PCDH17: variants seen among roughly 807,000 people sequenced by gnomAD.
The protein encoded by PCDH17 is protocadherin 17.
PCDH17 carries 21 observed loss-of-function variants against 67.7 expected under a neutral mutation model. The observed-to-expected ratio is 0.31, with a 90% confidence interval of 0.22 to 0.45. The LOEUF is 0.45. Among genes scored for constraint, PCDH17 ranks in the 20% least tolerant of loss-of-function variants. The pLI, the probability that PCDH17 is intolerant of heterozygous loss-of-function variation, is 1.00. For missense variants in PCDH17, 1,471 were observed against 1,564.8 expected, an observed-to-expected ratio of 0.94 and a Z score of 1.01; for synonymous variants, 701 against 656.7, an observed-to-expected ratio of 1.07 and a Z score of -1.03.
chr13:57,670,257 A>G (rs1224610533), intron 3 of PCDH17, among the ~76,000 whole-genome samples: 1 of 150,924 alleles, frequency 6.6e-6, no homozygotes, highest in Non-Finnish European at 1.5e-5. Flanking sequence ...ATCATGAGAG[A>G]AAATTCCACA....
In PCDH17 at chr13:57,729,236, C is replaced by T. The variant is rs139381456; in HGVS notation, c.*3942C>T. 9.9e-5 allele frequency: 15 copies of T among 152,174 alleles called. No homozygotes were observed. Among genetic ancestry groups the T allele is most frequent in the African/African-American group, 3.6e-4 (15 of 41,546 alleles). 9.4% of individuals were successfully genotyped at this position (152,174 alleles called of 1,614,324 possible). On this transcript the variant is annotated 3_prime_UTR_variant, in exon 4 of 4. Transcript: ENST00000377918. The stretch of plus-strand genomic sequence containing the variant: ...CATACATTGTATGGATTTATCTCAA[C>T]GCTATTGTTTAATGGCTGTGTTTAA...
At chr13:57,704,564 CA>C (rs112583999) in intron 3 of PCDH17, among the ~76,000 whole-genome samples, 63 of 122,246 alleles carry the variant, frequency 5.2e-4, no homozygotes, top group African/African-American at 6.3e-4. Context: ...AATCTCTATC[CA>C]AAAAAAAAAA....
intron 1 of PCDH17, among the ~76,000 whole-genome samples, chr13:57,636,893 T>C (rs1297026034): frequency 6.6e-6 from 1 of 152,148 alleles, no homozygotes; most frequent in East Asian, 1.9e-4. Flanking sequence ...TCATTTAGTT[T>C]CCAGTAAAAA....
chr13:57,647,103 G>A (rs924458202), intron 1 of PCDH17, among the ~76,000 whole-genome samples: 9 of 151,664 alleles, frequency 5.9e-5, no homozygotes, highest in Non-Finnish European at 1.3e-4. Context: ...ATACAGCTTG[G>A]ACATCTGCTG....
intron 3 of PCDH17, among the ~76,000 whole-genome samples, chr13:57,694,418 C>T (rs972592002): frequency 6.6e-6 from 1 of 151,154 alleles, no homozygotes. Context: ...GAAGGACTTT[C>T]TTTCCTTTTG....
At chr13:57,697,254 A>C (rs1417887926) in intron 3 of PCDH17, among the ~76,000 whole-genome samples, 2 of 151,670 alleles carry the variant, frequency 1.3e-5, no homozygotes, top group Non-Finnish European at 3.0e-5. Context: ...TTATTCATAA[A>C]ATAAATGGTT....
chr13:57,707,523 C>T (rs1033136244), intron 3 of PCDH17, among the ~76,000 whole-genome samples: 1 of 151,946 alleles, frequency 6.6e-6, no homozygotes, highest in African/African-American at 2.4e-5. Context: ...TAGCTTCTAC[C>T]CATGGCAGAA....
intron 3 of PCDH17, among the ~76,000 whole-genome samples, chr13:57,674,697 G>A (rs1955368614): frequency 1.3e-5 from 2 of 151,908 alleles, no homozygotes; most frequent in African/African-American, 2.4e-5. Context: ...GAGGGTGCCC[G>A]TACACTATTA....
intron 3 of PCDH17, among the ~76,000 whole-genome samples, chr13:57,718,651 T>C (rs1955845185): frequency 6.6e-6 from 1 of 151,956 alleles, no homozygotes; most frequent in Non-Finnish European, 1.5e-5. Context: ...TAGAAAAGTG[T>C]CAGTTCACAG....
chr13:57,642,542 T>C (rs1954918319), intron 1 of PCDH17, among the ~76,000 whole-genome samples: 1 of 151,632 alleles, frequency 6.6e-6, no homozygotes, highest in African/African-American at 2.4e-5. Context: ...CTATGGTATT[T>C]TAGATATATT....
At chr13:57,664,255 TC>T (rs2138020646) in intron 1 of PCDH17, among the ~76,000 whole-genome samples, 1 of 152,206 alleles carries the variant, frequency 6.6e-6, no homozygotes, top group Admixed American at 6.5e-5. Flanking sequence ...CGTTCTTTTC[TC>T]CTTTCCTCTT....
In PCDH17 at chr13:57,684,800, A is replaced by T. The variant is rs575028836; in HGVS notation, c.2797+17967A>T. Among the ~76,000 whole-genome samples, 68 of 152,068 alleles carry T rather than the reference A, an allele frequency of 4.5e-4. 1 individual carries two copies. In the South Asian group the frequency reaches 0.013, roughly 30 times the overall value. ...TGGTGTTATGAATATAAATTTGTAC[A>T]TGCATTTCACTACATTTATTACTTA... On this transcript the variant is annotated intron_variant, in intron 3 of 3. Coordinates refer to ENST00000377918, the MANE Select transcript of PCDH17 (RefSeq NM_001040429.3).
At chr13:57,691,203 A>G (rs1052245540) in intron 3 of PCDH17, among the ~76,000 whole-genome samples, 2 of 151,446 alleles carry the variant, frequency 1.3e-5, no homozygotes, top group African/African-American at 2.4e-5. Context: ...AAGTGAAAGA[A>G]ATAGAAAATG....
At chr13:57,689,239 A>C (rs1955534919) in intron 3 of PCDH17, among the ~76,000 whole-genome samples, 1 of 152,070 alleles carries the variant, frequency 6.6e-6, no homozygotes, top group Non-Finnish European at 1.5e-5. Context: ...TCTAGTCAAC[A>C]TATGAAGGTA....
intron 3 of PCDH17, among the ~76,000 whole-genome samples, chr13:57,677,644 A>G (rs1163833902): frequency 6.6e-6 from 1 of 151,918 alleles, no homozygotes; most frequent in Non-Finnish European, 1.5e-5. Flanking sequence ...GAAGCTACGC[A>G]AGAAGACACA....
At chr13:57,695,665 G>A (rs1194075672) in intron 3 of PCDH17, among the ~76,000 whole-genome samples, 11 of 151,158 alleles carry the variant, frequency 7.3e-5, no homozygotes, top group Non-Finnish European at 1.6e-4. Context: ...CATCAAATTA[G>A]GGATGGAAAA....
rs1287561856 is a variant in PCDH17 at position 57,725,146 on chromosome 13, C to T, written c.3332C>T (p.Ser1111Phe). 2.5e-6 allele frequency: 4 copies of T among 1,614,108 alleles called. No homozygotes were observed. Among genetic ancestry groups the T allele is most frequent in the Non-Finnish European group, 2.5e-6 (3 of 1,180,004 alleles). Reference protein sequence around the residue: ...ADVHSRASRDSSEMGAVLEQL... With the variant: ...ADVHSRASRDFSEMGAVLEQL... The stretch of plus-strand genomic sequence containing the variant: ...GTGCATTCCAGAGCCAGCCGGGATT[C>T]CAGTGAGATGGGTGCTGTTCTTGAG... Residue 1111 changes from serine to phenylalanine, a missense_variant, in exon 4 of 4, where the codon TCC becomes TTC. By Grantham distance (155) the Ser-to-Phe change is radical (BLOSUM62 -2). This residue lies in a region of PCDH17 where 297 missense variants were observed against 298.6 expected (regional missense o/e 0.99). Transcript: ENST00000377918.
In PCDH17 at chr13:57,701,825, ATTTGT is replaced by A. The variant is rs1364306124; in HGVS notation, c.2798-22783_2798-22779del. Reference sequence around the variant, plus strand: ...AATTCCATCCTCAAAAGTTTTGTGTATTTGTTTTATTACATATTTAAATTGAGTGA... The same window carrying A: ...AATTCCATCCTCAAAAGTTTTGTGTATTTATTACATATTTAAATTGAGTGA... On this transcript the variant is annotated intron_variant, in intron 3 of 3. Coordinates refer to ENST00000377918, the MANE Select transcript of PCDH17 (RefSeq NM_001040429.3). 1.1e-4 allele frequency among the ~76,000 whole-genome samples: 16 copies of A among 152,208 alleles called. 1 individual carries two copies. The highest frequency in any genetic ancestry group is 3.9e-4 in the African/African-American group (16 of 41,544).
intron 3 of PCDH17, among the ~76,000 whole-genome samples, chr13:57,677,803 C>T (rs967472283): frequency 2.0e-5 from 3 of 151,772 alleles, no homozygotes; most frequent in Non-Finnish European, 2.9e-5. Flanking sequence ...GGCACAGAAA[C>T]TCAAATACTG....
Sources: allele counts gnomAD v4.1 joint callset (sites outside exome capture counted in the v4.1 genomes callset), GRCh38; gene constraint gnomAD v4.1.1; regional missense constraint gnomAD v4.1.1; transcripts MANE v1.5; gene names NCBI Gene and HGNC (gene_info 2026-07-23, HGNC 2026-07-21).